KLHL29: variants seen among roughly 807,000 people sequenced by gnomAD.
KLHL29 encodes kelch like family member 29.
KLHL29 carries 21 observed loss-of-function variants against 80.4 expected under a neutral mutation model. The observed-to-expected ratio is 0.26, with a 90% CI of 0.19 to 0.38. The LOEUF (loss-of-function observed/expected upper bound fraction) is 0.38. Ranked by LOEUF, KLHL29 falls within the 10% of genes least tolerant of loss-of-function variation. The probability of loss-of-function intolerance (pLI) is 1.00; values close to 1 mark genes in which losing one functional copy is unlikely to be tolerated. For missense variants in KLHL29, 867 were observed against 1,223.9 expected (o/e 0.71, Z 4.35); for synonymous variants, 511 against 526.8 (o/e 0.97, Z 0.41).
chr2:23,625,822 G>A (rs925136441), intron 3 of KLHL29, among the ~76,000 whole-genome samples: 3 of 152,150 alleles, frequency 2.0e-5, no homozygotes, highest in African/African-American at 7.2e-5. Context: ...GATTGTGAGG[G>A]TGGGGCCCAC....
intron 3 of KLHL29, among the ~76,000 whole-genome samples, chr2:23,568,357 G>A (rs1048609272): frequency 6.6e-6 from 1 of 152,170 alleles, no homozygotes; most frequent in Non-Finnish European, 1.5e-5. Context: ...GTCAGTACTG[G>A]TCTGGGCTGG....
At chr2:23,434,857 C>T (rs568444903) in intron 1 of KLHL29, among the ~76,000 whole-genome samples, 2 of 152,126 alleles carry the variant, frequency 1.3e-5, no homozygotes, top group South Asian at 2.1e-4. Context: ...ATCGTGTGGT[C>T]GAGGCAGGCT....
chr2:23,516,993 G>C (rs934244094), intron 2 of KLHL29, among the ~76,000 whole-genome samples: 3 of 152,194 alleles, frequency 2.0e-5, no homozygotes, highest in African/African-American at 7.2e-5. Flanking sequence ...CTGGGAGCAA[G>C]AGCCTGGGTC....
intron 5 of KLHL29, chr2:23,672,665 G>C (rs1314811386): frequency 2.0e-5 from 3 of 152,238 alleles, no homozygotes; most frequent in African/African-American, 7.3e-5. Flanking sequence ...ACTGAGCTGC[G>C]TGCTCCCCTG....
chr2:23,691,665 T>C lies in KLHL29; in HGVS notation c.1080-9T>C. ...CAGGAGGTAAGGACACCCTGGTCTC[T>C]GTGCCTAGGTCCGTGCAAGACAGCG... On this transcript the variant is annotated splice_polypyrimidine_tract_variant and intron_variant, in intron 6 of 13. Coordinates refer to ENST00000486442, the MANE Select transcript of KLHL29 (RefSeq NM_052920.2). The C allele has an allele frequency of 1.3e-6, 2 of 1,551,468 alleles. No individual in the cohort carries two copies. The highest frequency in any genetic ancestry group is 1.7e-6 in the Non-Finnish European group (2 of 1,146,892).
chr2:23,493,632 CGTGTGTGTGTGA>C (rs1458310196), intron 2 of KLHL29, among the ~76,000 whole-genome samples: 2 of 149,962 alleles, frequency 1.3e-5, no homozygotes, highest in African/African-American at 2.4e-5. Flanking sequence ...GCGGGGTGGG[CGTGTGTGTGTGA>C]GTGTGTGTGT....
intron 3 of KLHL29, among the ~76,000 whole-genome samples, chr2:23,638,080 C>T: frequency 2.3e-5 from 1 of 43,398 alleles, no homozygotes; most frequent in South Asian, 9.6e-4. Context: ...ATATAATGGC[C>T]ATAGTAAAAA....
intron 5 of KLHL29, among the ~76,000 whole-genome samples, chr2:23,657,059 G>A (rs72792068): frequency 0.084 from 12,789 of 152,188 alleles, 736 homozygotes; most frequent in East Asian, 0.16. Flanking sequence ...GTCCTAGGGT[G>A]GAAATGGGGG....
intron 2 of KLHL29, among the ~76,000 whole-genome samples, chr2:23,558,412 T>TTTTTTTTTTTC (rs6146681): frequency 0.67 from 85,574 of 128,288 alleles, 26,922 homozygotes; most frequent in East Asian, 0.92. Flanking sequence ...ATTTTCTCTT[T>TTTTTTTTTTTC]TTTTTTTTTT....
At chr2:23,484,810 T>TG (rs1421150365) in intron 2 of KLHL29, among the ~76,000 whole-genome samples, 1 of 152,230 alleles carries the variant, frequency 6.6e-6, no homozygotes, top group Non-Finnish European at 1.5e-5. Flanking sequence ...CACCAGTCTC[T>TG]GCTGGGCTCT....
chr2:23,455,541 G>A (rs1664025647), intron 1 of KLHL29, among the ~76,000 whole-genome samples: 1 of 151,890 alleles, frequency 6.6e-6, no homozygotes, highest in African/African-American at 2.4e-5. Context: ...GTTTCCCTGA[G>A]GACAGGCAGA....
chr2:23,664,544 C>T (rs1670502455), intron 5 of KLHL29, among the ~76,000 whole-genome samples: 1 of 152,224 alleles, frequency 6.6e-6, no homozygotes. Context: ...CCGCACAGAA[C>T]ATGTTTACCC....
chr2:23,685,919 GGGGGCA>G (rs1388146571), intron 6 of KLHL29, among the ~76,000 whole-genome samples: 1 of 152,224 alleles, frequency 6.6e-6, no homozygotes, highest in Non-Finnish European at 1.5e-5. Flanking sequence ...AGGACAGAAA[GGGGGCA>G]GGTCAGTGCT....
intron 2 of KLHL29, among the ~76,000 whole-genome samples, chr2:23,515,551 A>G (rs550053923): frequency 6.6e-6 from 1 of 152,162 alleles, no homozygotes; most frequent in East Asian, 1.9e-4. Context: ...CTGTGTAGTA[A>G]CTCTTGTCAC....
chr2:23,588,152 C>G (rs1399654836), intron 3 of KLHL29, among the ~76,000 whole-genome samples: 1 of 152,142 alleles, frequency 6.6e-6, no homozygotes, highest in Non-Finnish European at 1.5e-5. Flanking sequence ...ACCCTGCACA[C>G]ACCCCTGGGG....
At chr2:23,646,254 GT>G (rs1669927677) in intron 5 of KLHL29, among the ~76,000 whole-genome samples, 2 of 152,180 alleles carry the variant, frequency 1.3e-5, no homozygotes, top group Admixed American at 1.3e-4. Context: ...TGGAGTCAGT[GT>G]TACTACCCCA....
intron 2 of KLHL29, among the ~76,000 whole-genome samples, chr2:23,495,673 C>T (rs1665241592): frequency 6.6e-6 from 1 of 152,188 alleles, no homozygotes; most frequent in Admixed American, 6.5e-5. Flanking sequence ...CCCACAGCTC[C>T]AGCGAGAGTG....
chr2:23,524,051 T>C, intron 2 of KLHL29: 1 of 471,554 alleles, frequency 2.1e-6, no homozygotes, highest in South Asian at 1.5e-5. Context: ...CATGCCTTCC[T>C]CTTCCGAAGG....
chr2:23,426,914 A>G (rs887563738), intron 1 of KLHL29, among the ~76,000 whole-genome samples: 7 of 152,188 alleles, frequency 4.6e-5, no homozygotes, highest in Admixed American at 2.6e-4. Flanking sequence ...ACAGAGCCAC[A>G]TGTGTCATTC....
Sources: allele counts gnomAD v4.1 joint callset (sites outside exome capture counted in the v4.1 genomes callset), GRCh38; gene constraint gnomAD v4.1.1; transcripts MANE v1.5; gene names NCBI Gene and HGNC (gene_info 2026-07-23, HGNC 2026-07-21).